Variants in MYO1H observed in about 807,000 individuals in gnomAD.
MYO1H encodes myosin IH.
A neutral mutation model predicts 149.3 loss-of-function variants in MYO1H; 118 were observed. The ratio of observed to expected loss-of-function variants is 0.79; its 90% CI spans 0.68 to 0.92. MYO1H has a LOEUF of 0.92. Among genes scored for constraint, MYO1H ranks in the 40% least tolerant of loss-of-function variants. MYO1H has a pLI of 0.00. For missense variants in MYO1H, 1,212 were observed against 1,280.7 expected (o/e 0.95, Z 0.82); for synonymous variants, 447 against 465.2 (o/e 0.96, Z 0.50).
At chr12:109,348,735 C>G (rs989962712) in intron 1 of MYO1H, among the ~76,000 whole-genome samples, 2 of 152,104 alleles carry the variant, frequency 1.3e-5, no homozygotes, top group Non-Finnish European at 2.9e-5. Flanking sequence ...TTCTGGGTTT[C>G]GATAGCATAA....
At chr12:109,336,547 C>T in the MYO1H span, among the ~76,000 whole-genome samples, 1 of 152,158 alleles carries the variant, frequency 6.6e-6, no homozygotes, top group African/African-American at 2.4e-5. Flanking sequence ...CAGATTCTCT[C>T]CTTAAGGTGG....
the MYO1H span, among the ~76,000 whole-genome samples, chr12:109,319,924 T>G: frequency 6.6e-6 from 1 of 152,262 alleles, no homozygotes; most frequent in East Asian, 1.9e-4. Context: ...CAGATTGTTT[T>G]TGTTTTGTTT....
rs10545297 is a variant in MYO1H at position 109,443,355 on chromosome 12, T to TACACACAC, written c.2689-127_2689-120dup. ...ATGTGTACGTATATATGTGTGTATA[T>TACACACAC]ACACACACACACACACACACACACA... On this transcript the variant is annotated intron_variant, in intron 27 of 31. Coordinates refer to ENST00000310903, the Ensembl canonical transcript of MYO1H. Among the ~76,000 whole-genome samples the TACACACAC allele has an allele frequency of 1.9e-3, 140 of 74,778 alleles. 20 individuals carry two copies. The highest frequency in any genetic ancestry group is 4.7e-3 in the East Asian group (11 of 2,354). 49.1% of individuals were successfully genotyped at this position (74,778 alleles called of 152,430 possible). A position where few individuals can be genotyped will look rare whatever the true frequency, so the allele number is the denominator to read the frequency against.
the MYO1H span, among the ~76,000 whole-genome samples, chr12:109,312,775 T>TTTTTG: frequency 5.6e-4 from 72 of 128,128 alleles, no homozygotes; most frequent in East Asian, 0.014. Flanking sequence ...TTTTGTTTGT[T>TTTTTG]TTTTGTTTTG....
At chr12:109,433,166 CTTAA>C (rs1207897076) in intron 20 of MYO1H, among the ~76,000 whole-genome samples, 156 bp downstream of exon 20, 2 of 152,126 alleles carry the variant, frequency 1.3e-5, no homozygotes, top group African/African-American at 4.8e-5. Flanking sequence ...AAATGCAGCT[CTTAA>C]TTCTTTAGAA....
the MYO1H span, among the ~76,000 whole-genome samples, chr12:109,325,379 G>C: frequency 6.6e-6 from 1 of 152,142 alleles, no homozygotes; most frequent in Admixed American, 6.5e-5. Flanking sequence ...AAACTGGCTA[G>C]CCATATGCAG....
At position 109,396,598 on chromosome 12, in the gene MYO1H, G is replaced by T. The variant is rs1255496762; in HGVS notation, c.489+16G>T. 25 of 1,598,400 alleles carry T rather than the reference G, an allele frequency of 1.6e-5. No homozygotes were observed. The highest frequency in any genetic ancestry group is 2.2e-5 in the East Asian group (1 of 44,658). On this transcript the variant is annotated intron_variant, in intron 4 of 31. Transcript: ENST00000310903. ...AGTGCTGGAGGTAAGCGATCTCTGG[G>T]GACCAATCGAAGGGAGTTCCAGGGA...
chr12:109,383,752 C>T (rs1298599129), intron 1 of MYO1H, among the ~76,000 whole-genome samples: 1 of 152,196 alleles, frequency 6.6e-6, no homozygotes, highest in Non-Finnish European at 1.5e-5. Flanking sequence ...GGGAAGTCCA[C>T]GGAATAGCTG....
chr12:109,390,946 TGCCCG>T (rs950887733), intron 2 of MYO1H, among the ~76,000 whole-genome samples: 2 of 152,174 alleles, frequency 1.3e-5, no homozygotes, highest in Non-Finnish European at 2.9e-5. Context: ...GGGATTACTG[TGCCCG>T]GCCCACCCAT....
intron 8 of MYO1H, among the ~76,000 whole-genome samples, chr12:109,406,278 G>C (rs1482391777): frequency 7.1e-6 from 1 of 140,622 alleles, no homozygotes; most frequent in East Asian, 1.9e-4. Context: ...AGATAACCCT[G>C]GGCCTGGATA....
chr12:109,446,926 TC>T, intron 31 of MYO1H: 1 of 594,958 alleles, frequency 1.7e-6, no homozygotes, highest in Admixed American at 2.9e-5. Context: ...TGTGTCTCTC[TC>T]CTCTGGAGTC....
At position 109,358,846 on chromosome 12, in the gene MYO1H, T is replaced by TAAAAAAAAAAAAAAAA. The variant is rs541289093; in HGVS notation, c.12+10883_12+10898dup. 1.4e-4 allele frequency among the ~76,000 whole-genome samples: 12 copies of TAAAAAAAAAAAAAAAA among 84,534 alleles called. 1 individual carries two copies. Among genetic ancestry groups the TAAAAAAAAAAAAAAAA allele is most frequent in the African/African-American group, 6.7e-4 (12 of 17,856 alleles). 55.5% of individuals were successfully genotyped at this position (84,534 alleles called of 152,430 possible). On this transcript the variant is annotated intron_variant, in intron 1 of 31. Coordinates refer to ENST00000310903, the Ensembl canonical transcript of MYO1H. The stretch of plus-strand genomic sequence containing the variant: ...TTCTGGGGGAAGCATCCTGTGGTGT[T>TAAAAAAAAAAAAAAAA]AAAAAAAAAAAAAAAAAAAAAAAAG...
Position 109,441,505 on chromosome 12 carries a change from G to C in MYO1H, c.2539-110G>C, listed in dbSNP as rs904995999. 3 of 644,336 alleles carry C rather than the reference G, an allele frequency of 4.7e-6. No individual in the cohort carries two copies. In the East Asian group the frequency reaches 9.2e-5, roughly 20 times the overall value. The allele number at this position is 644,336 out of a possible 1,614,324, so 39.9% of individuals were successfully genotyped here. Reference sequence around the variant, plus strand: ...TGACTTGTATGCTCCAGGGTAACAAGGCTCCCACAGTTTATCCAGCAAAGG... The same window carrying C: ...TGACTTGTATGCTCCAGGGTAACAACGCTCCCACAGTTTATCCAGCAAAGG... On this transcript the variant is annotated intron_variant, in intron 25 of 31. Transcript: ENST00000310903.
At chr12:109,330,244 G>C in the MYO1H span, among the ~76,000 whole-genome samples, 1 of 151,492 alleles carries the variant, frequency 6.6e-6, no homozygotes, top group African/African-American at 2.4e-5. Flanking sequence ...TCCAAATAAA[G>C]TGTGTGTGTG....
chr12:109,327,111 C>A, the MYO1H span, among the ~76,000 whole-genome samples: 21 of 131,680 alleles, frequency 1.6e-4, no homozygotes, highest in African/African-American at 6.0e-4. Context: ...TTTAATTTTT[C>A]TTTTCTTTTT....
At chr12:109,414,884 ATT>A (rs113872697) in intron 14 of MYO1H, among the ~76,000 whole-genome samples, 1 of 148,642 alleles carries the variant, frequency 6.7e-6, no homozygotes, top group Admixed American at 6.8e-5. Flanking sequence ...AATTCTTTGT[ATT>A]TTTTTTTTAA....
intron 16 of MYO1H, 77 bp downstream of exon 16, chr12:109,421,104 G>A (rs772127595): frequency 7.2e-5 from 77 of 1,065,652 alleles, no homozygotes; most frequent in African/African-American, 1.3e-4. Context: ...GGTAGAATTC[G>A]CCTTCTGGAT....
In MYO1H at chr12:109,406,058, G is replaced by A. The variant is rs571073246; in HGVS notation, c.963+23G>A. On this transcript the variant is annotated intron_variant, in intron 8 of 31. Coordinates refer to ENST00000310903, the Ensembl canonical transcript of MYO1H. ...AAGGTGATGCTCCTCTTTTGGAGAGGACAGAAGGAGGGGGATGGGTGGGAG... is the reference window on the plus strand; with the variant it reads ...AAGGTGATGCTCCTCTTTTGGAGAGAACAGAAGGAGGGGGATGGGTGGGAG... 11 of 1,542,932 alleles carry A rather than the reference G, an allele frequency of 7.1e-6. No individual in the cohort carries two copies. In the East Asian group the frequency reaches 1.1e-4, roughly 16 times the overall value.
the MYO1H span, among the ~76,000 whole-genome samples, chr12:109,310,611 G>GTTTTT: frequency 6.8e-5 from 10 of 147,430 alleles, no homozygotes; most frequent in Non-Finnish European, 3.0e-5. Context: ...ACCTGTGACT[G>GTTTTT]TTTTTTTTTT....
Sources: allele counts gnomAD v4.1 joint callset (sites outside exome capture counted in the v4.1 genomes callset), GRCh38; gene constraint gnomAD v4.1.1; transcripts MANE v1.5; gene names NCBI Gene and HGNC (gene_info 2026-07-23, HGNC 2026-07-21).